ZNF577: variants seen among roughly 807,000 people sequenced by gnomAD.
ZNF577 encodes zinc finger protein 577.
Under a neutral mutation model 13.9 loss-of-function variants are expected in ZNF577, and 14 were observed. The ratio of observed to expected loss-of-function variants is 1.00; its 90% CI spans 0.66 to 1.57. The LOEUF (loss-of-function observed/expected upper bound fraction) is 1.57, where lower values mean the gene tolerates loss of function less well. ZNF577 is among the 40% of genes most tolerant of loss of function. The pLI, the probability that ZNF577 is intolerant of heterozygous loss-of-function variation, is 0.00. For missense variants in ZNF577, 555 were observed against 579.2 expected, an observed-to-expected ratio of 0.96 and a Z score of 0.43; for synonymous variants, 203 against 202.9, an observed-to-expected ratio of 1.00 and a Z score of 0.00.
At chr19:51,843,508 A>G (rs1360620873) in intron 6 of ZNF577, among the ~76,000 whole-genome samples, 1 of 152,130 alleles carries the variant, frequency 6.6e-6, no homozygotes, top group Non-Finnish European at 1.5e-5. Flanking sequence ...TTCTTCATTC[A>G]CTTGTTTACT....
chr19:51,873,463 T>C lies in ZNF577; in HGVS notation c.527A>G (p.His176Arg), dbSNP rs1390801442. ...TTTCTCTCCTCTTTCAGTTCTCTGATGTTGAATAAGCTGTGCTTTCCTGGA... is the reference window on the plus strand; with the variant it reads ...TTTCTCTCCTCTTTCAGTTCTCTGACGTTGAATAAGCTGTGCTTTCCTGGA... ...AFSRKAQLIQHQRTERGEKPH... is the reference protein window; with the variant it reads ...AFSRKAQLIQRQRTERGEKPH... The change falls in exon 6 of 6, where the codon CAT (histidine) becomes CGT (arginine). Residue 176 changes from histidine (H) to arginine (R), a missense_variant. His to Arg is a conservative substitution (Grantham distance 29, BLOSUM62 0). Transcript: ENST00000638348. 1 of 1,614,226 alleles carries C rather than the reference T, an allele frequency of 6.2e-7. No homozygotes were observed. Among genetic ancestry groups the C allele is most frequent in the Non-Finnish European group, 8.5e-7 (1 of 1,180,018 alleles).
intron 5 of ZNF577, among the ~76,000 whole-genome samples, chr19:51,845,091 A>G (rs998897855): frequency 1.1e-4 from 16 of 152,230 alleles, no homozygotes; most frequent in African/African-American, 2.9e-4. Context: ...AAATAAGTAT[A>G]TACTGTGGAA....
chr19:51,830,032 T>C (rs888969166), intron 9 of ZNF577, among the ~76,000 whole-genome samples: 2 of 152,180 alleles, frequency 1.3e-5, no homozygotes, highest in Non-Finnish European at 2.9e-5. Context: ...TGTTATCTTC[T>C]AGGAGTTTTA....
chr19:51,813,970 A>G (rs1242738642), intron 9 of ZNF577, among the ~76,000 whole-genome samples: 1 of 152,218 alleles, frequency 6.6e-6, no homozygotes, highest in Non-Finnish European at 1.5e-5. Flanking sequence ...GTCACTTTCA[A>G]GAAGCCCCTG....
intron 5 of ZNF577, among the ~76,000 whole-genome samples, chr19:51,851,894 C>T (rs1285236735): frequency 6.6e-6 from 1 of 152,212 alleles, no homozygotes; most frequent in Admixed American, 6.5e-5. Flanking sequence ...GCCCCAGACA[C>T]TTTAGAAGCT....
At chr19:51,850,997 G>A (rs1392025048) in intron 5 of ZNF577, among the ~76,000 whole-genome samples, 3 of 152,166 alleles carry the variant, frequency 2.0e-5, no homozygotes, top group Non-Finnish European at 4.4e-5. Context: ...ATATAATTTT[G>A]TGATAAAAAT....
intron 5 of ZNF577, among the ~76,000 whole-genome samples, chr19:51,874,206 T>C (rs774138161): frequency 1.3e-5 from 2 of 152,214 alleles, no homozygotes; most frequent in Non-Finnish European, 2.9e-5. Context: ...AGGGGATGGA[T>C]GTATTCACCC....
chr19:51,857,426 G>GAAAGAAAGAAAAAGAAAGAA (rs1555745840), intron 5 of ZNF577, among the ~76,000 whole-genome samples: 3 of 96,814 alleles, frequency 3.1e-5, no homozygotes, highest in South Asian at 4.0e-4. Flanking sequence ...AAGAAAGAAA[G>GAAAGAAAGAAAAAGAAAGAA]AAAAGAAAAA....
chr19:51,844,943 A>G (rs2084342682), intron 5 of ZNF577: 1 of 152,218 alleles, frequency 6.6e-6, no homozygotes, highest in Non-Finnish European at 1.5e-5. Context: ...TATGAATTCA[A>G]ACAAAAATGT....
At chr19:51,866,141 G>C (rs1053684823), downstream of ZNF577, among the ~76,000 whole-genome samples, 6 of 151,798 alleles carry the variant, frequency 4.0e-5, no homozygotes, top group Admixed American at 1.3e-4. Flanking sequence ...AAGATATCTG[G>C]TTTGGTAGCT....
At chr19:51,883,667 A>C (rs994706383) in intron 1 of ZNF577, among the ~76,000 whole-genome samples, 2 of 152,222 alleles carry the variant, frequency 1.3e-5, no homozygotes, top group African/African-American at 4.8e-5. Flanking sequence ...GAGATACAAC[A>C]AGCAAATCGA....
intron 1 of ZNF577, among the ~76,000 whole-genome samples, chr19:51,885,325 C>G (rs930954790): frequency 2.0e-5 from 3 of 152,208 alleles, no homozygotes; most frequent in Admixed American, 6.5e-5. Flanking sequence ...TATTTGTCAT[C>G]TGTCTGCACC....
At chr19:51,841,926 T>C (rs1354839612) in intron 8 of ZNF577, among the ~76,000 whole-genome samples, 1 of 152,054 alleles carries the variant, frequency 6.6e-6, no homozygotes, top group African/African-American at 2.4e-5. Context: ...TATCATGAAA[T>C]GGAGAGGGAT....
intron 5 of ZNF577, chr19:51,860,919 A>G: frequency 2.4e-6 from 1 of 414,866 alleles, no homozygotes. Context: ...ATGAGGTGTG[A>G]TTCTTCTTAG....
intron 9 of ZNF577, among the ~76,000 whole-genome samples, chr19:51,835,643 C>G (rs1472258987): frequency 5.3e-5 from 8 of 152,040 alleles, no homozygotes; most frequent in Non-Finnish European, 1.2e-4. Flanking sequence ...TTTATTTTAA[C>G]CAATATTTCA....
chr19:51,854,419 C>T (rs1040726389), intron 5 of ZNF577, among the ~76,000 whole-genome samples: 5 of 151,700 alleles, frequency 3.3e-5, no homozygotes, highest in Admixed American at 6.6e-5. Flanking sequence ...GCCTTGACCT[C>T]CTGAGCTCAG....
chr19:51,855,971 G>A (rs562172282), intron 5 of ZNF577: 1 of 152,258 alleles, frequency 6.6e-6, no homozygotes, highest in South Asian at 2.1e-4. Flanking sequence ...TGCAGATCTG[G>A]GGAAAGGGAT....
chr19:51,869,761 CAAGACACACCAGCCGCT>C lies in ZNF577; in HGVS notation c.*2754_*2770del, dbSNP rs1444490541. ...GAAACCCCTACAGGGGCTAAACAGTCAAGACACACCAGCCGCTAACTAGAATAAGTTGTTAGGCCTCC... is the reference window on the plus strand; with the variant it reads ...GAAACCCCTACAGGGGCTAAACAGTCAACTAGAATAAGTTGTTAGGCCTCC... On this transcript the variant is annotated 3_prime_UTR_variant, in exon 6 of 6. Transcript: ENST00000638348. Among the ~76,000 whole-genome samples the C allele has an allele frequency of 1.3e-5, 2 of 152,210 alleles. No homozygotes were observed. Among genetic ancestry groups the C allele is most frequent in the Non-Finnish European group, 2.9e-5 (2 of 68,036 alleles).
downstream of ZNF577, among the ~76,000 whole-genome samples, chr19:51,865,425 A>G (rs758883224): frequency 6.6e-6 from 1 of 152,102 alleles, no homozygotes; most frequent in African/African-American, 2.4e-5. Context: ...CACCATATAT[A>G]CAGGAACACC....
Sources: allele counts gnomAD v4.1 joint callset (sites outside exome capture counted in the v4.1 genomes callset), GRCh38; gene constraint gnomAD v4.1.1; transcripts MANE v1.5; gene names NCBI Gene and HGNC (gene_info 2026-07-23, HGNC 2026-07-21).